Variants in CEP250 observed in about 807,000 individuals in gnomAD.
The protein encoded by CEP250 is centrosome-associated protein CEP250.
In CEP250, 242 loss-of-function variants were observed where a neutral mutation model predicts 315.7. The ratio of observed to expected loss-of-function variants is 0.77; its 90% CI spans 0.69 to 0.85. The LOEUF (loss-of-function observed/expected upper bound fraction) is 0.85. Ranked by LOEUF, CEP250 falls within the 40% of genes least tolerant of loss-of-function variation. The probability of loss-of-function intolerance (pLI) is 0.00; values close to 1 mark genes in which losing one functional copy is unlikely to be tolerated. For synonymous variants in CEP250, 1,088 were observed against 1,175.0 expected, an observed-to-expected ratio of 0.93 and a Z score of 1.51; for missense variants, 2,515 against 2,886.4, an observed-to-expected ratio of 0.87 and a Z score of 2.95.
At position 35,503,301 on chromosome 20, in the gene CEP250, G is replaced by A; in HGVS notation, c.4932G>A (p.Arg1644=). The A allele has an allele frequency of 2.5e-6, 4 of 1,614,156 alleles. No homozygotes were observed. The highest frequency in any genetic ancestry group is 3.4e-6 in the Non-Finnish European group (4 of 1,180,022). ...SQREQIEELQ[R]QKEHLTQDLE... ...GAGAACAGATCGAGGAGCTGCAGAG[G>A]CAGAAAGAGCATCTGACTCAGGATC... The change falls in exon 30 of 35, where the codon AGG becomes AGA. Residue 1644 remains arginine, a synonymous_variant. Transcript: ENST00000397527. This position sits in a 1 kb window ranked among gnomAD's most constrained non-coding sequence, Gnocchi z 4.2.
At chr20:35,473,773 G>C in intron 13 of CEP250, 97 bp from the exon 14 acceptor site, 12 of 1,160,138 alleles carry the variant, frequency 1.0e-5, no homozygotes, top group Non-Finnish European at 1.5e-5. Flanking sequence ...ACAGAAGATG[G>C]GATGTTGAAA....
At chr20:35,469,267 A>T (rs1425167600) in intron 9 of CEP250, among the ~76,000 whole-genome samples, 1 of 152,178 alleles carries the variant, frequency 6.6e-6, no homozygotes, top group African/African-American at 2.4e-5. Context: ...ACTGTATTCC[A>T]GCCTGGGCAA....
intron 2 of CEP250, among the ~76,000 whole-genome samples, chr20:35,459,023 G>C (rs2062696586): frequency 8.1e-6 from 1 of 123,272 alleles, no homozygotes; most frequent in Non-Finnish European, 1.6e-5. Flanking sequence ...TGTCGCCCAG[G>C]CTGGACAGTG....
Position 35,503,909 on chromosome 20 carries a change from T to G in CEP250, c.5540T>G (p.Leu1847Arg). Residue 1847 changes from leucine (L) to arginine (R), a missense_variant, in exon 30 of 35, where the codon CTG becomes CGG. Physicochemically the swap from Leu to Arg is moderately radical, Grantham distance 102. Transcript: ENST00000397527. The surrounding 1 kb of genome is among the most constrained non-coding windows in gnomAD (Gnocchi z 4.2). ...AAGGCAGACGCCCTCCAGGGAGCTCTGGAGCAAGCCCATATGACACTGAAG... is the reference window on the plus strand; with the variant it reads ...AAGGCAGACGCCCTCCAGGGAGCTCGGGAGCAAGCCCATATGACACTGAAG... ...KEKADALQGA[L>R]EQAHMTLKER... is the part of the protein sequence containing the mutation. The G allele has an allele frequency of 1.2e-6, 2 of 1,613,828 alleles. No homozygotes were observed. Among genetic ancestry groups the G allele is most frequent in the Non-Finnish European group, 1.7e-6 (2 of 1,179,840 alleles).
At position 35,466,129 on chromosome 20, in the gene CEP250, A is replaced by G; in HGVS notation, c.417A>G (p.Glu139=). Residue 139 remains glutamate (E), a synonymous_variant, in exon 7 of 35, where the codon GAA becomes GAG. Transcript: ENST00000397527. ...VVNKALREDV[E]KLTVDWSRAR... ...ATAAAGCCCTTAGGGAAGATGTGGA[A>G]AAACTGACAGTGGACTGGAGCCGGG... The G allele has an allele frequency of 6.2e-7, 1 of 1,614,112 alleles. No homozygotes were observed. Among genetic ancestry groups the G allele is most frequent in the South Asian group, 1.1e-5 (1 of 91,052 alleles).
intron 31 of CEP250, 21 bp downstream of exon 31, chr20:35,507,872 G>A (rs1827001727): frequency 6.2e-7 from 1 of 1,607,408 alleles, no homozygotes; most frequent in African/African-American, 1.3e-5. Flanking sequence ...GGCTCTGGGG[G>A]AACAGGTGAC....
intron 22 of CEP250, 120 bp downstream of exon 22, chr20:35,491,466 A>G (rs1352615416): frequency 3.6e-6 from 4 of 1,105,418 alleles, no homozygotes; most frequent in East Asian, 2.6e-5. Flanking sequence ...ACATATGACA[A>G]GTACATAAAG....
At position 35,467,373 on chromosome 20, in the gene CEP250, G is replaced by T. The variant is rs1178744557; in HGVS notation, c.669G>T (p.Leu223Phe). 3 of 1,614,210 alleles carry T rather than the reference G, an allele frequency of 1.9e-6. No homozygotes were observed. The highest frequency in any genetic ancestry group is 2.5e-6 in the Non-Finnish European group (3 of 1,180,026). ...CTCTGTTGACCTGTTGTCTGCGCTT[G>T]ACTGTGGGAGCACAGTCTCGGGAAC... ...SGSLLTCCLRLTVGAQSREPN... is the reference protein window; with the variant it reads ...SGSLLTCCLRFTVGAQSREPN... The change falls in exon 9 of 35, where the codon TTG becomes TTT. Residue 223 changes from leucine to phenylalanine, a missense_variant. Transcript: ENST00000397527.
intron 20 of CEP250, among the ~76,000 whole-genome samples, chr20:35,488,928 G>A (rs1191269418): frequency 6.6e-6 from 1 of 152,126 alleles, no homozygotes. Context: ...GCTCACACCT[G>A]TAATCCTAGC....
intron 15 of CEP250, 76 bp from the exon 16 acceptor site, chr20:35,476,373 G>A: frequency 2.2e-6 from 3 of 1,378,394 alleles, no homozygotes; most frequent in Non-Finnish European, 3.1e-6. Flanking sequence ...AAAAGCAGCA[G>A]TGTTGGGAAT....
chr20:35,487,246 T>G (rs2063539047), intron 20 of CEP250, among the ~76,000 whole-genome samples: 1 of 152,048 alleles, frequency 6.6e-6, no homozygotes, highest in East Asian at 1.9e-4. Flanking sequence ...GGTGGGCGGA[T>G]TGCCCAAGGT....
chr20:35,477,752 C>T (rs148300632), intron 16 of CEP250, 119 bp from the exon 17 acceptor site: 3 of 808,904 alleles, frequency 3.7e-6, no homozygotes, highest in Non-Finnish European at 4.0e-6. Flanking sequence ...TATAAACACT[C>T]CTTTGTTCAT....
At position 35,493,561 on chromosome 20, in the gene CEP250, C is replaced by G; in HGVS notation, c.3022C>G (p.Leu1008Val). Residue 1008 changes from leucine to valine, a missense_variant, in exon 23 of 35, where the codon CTG becomes GTG. Physicochemically the swap from Leu to Val is conservative, Grantham distance 32. Coordinates refer to ENST00000397527, the MANE Select transcript of CEP250 (RefSeq NM_007186.6). ...SSSLLQDKMD[L>V]QKQVEDLKSQ... ...CTCCCTGCTGCAGGATAAGATGGAC[C>G]TGCAGAAGCAGGTCCCCTCCTCCTC... The G allele has an allele frequency of 6.4e-7, 1 of 1,556,922 alleles. No homozygotes were observed. The highest frequency in any genetic ancestry group is 8.7e-7 in the Non-Finnish European group (1 of 1,154,010).
rs1321346243 is a variant in CEP250, at chr20:35,517,502, G to T, written c.*5876G>T. ...TAGAATCTATAGGAAAATGTAAGAG[G>T]GTTAAAAATAAATTTCCCATGCATC... On this transcript the variant is annotated 3_prime_UTR_variant, in exon 35 of 35. Coordinates refer to ENST00000397527, the MANE Select transcript of CEP250 (RefSeq NM_007186.6). The T allele has an allele frequency of 6.6e-6, 1 of 152,090 alleles. No individual in the cohort carries two copies. The highest frequency in any genetic ancestry group is 1.9e-4 in the East Asian group (1 of 5,202). The allele number at this position is 152,090 out of a possible 1,614,324, so 9.4% of individuals were successfully genotyped here.
rs2147161684 is a variant in CEP250, at chr20:35,503,573, A to G, written c.5204A>G (p.Glu1735Gly). ...EHMKLILRDK[E>G]KEVECQQEHI... Reference sequence around the variant, plus strand: ...ATGAAGCTGATCCTGCGTGATAAGGAGAAGGAGGTGGAATGTCAGCAGGAG... The same window carrying G: ...ATGAAGCTGATCCTGCGTGATAAGGGGAAGGAGGTGGAATGTCAGCAGGAG... Residue 1735 changes from glutamate (E) to glycine (G), a missense_variant, in exon 30 of 35, where the codon GAG (glutamate) becomes GGG (glycine). Physicochemically the swap from Glu to Gly is moderately conservative, Grantham distance 98. Transcript: ENST00000397527. The surrounding 1 kb of genome is among the most constrained non-coding windows in gnomAD (Gnocchi z 4.2). 1.2e-6 allele frequency: 2 copies of G among 1,614,088 alleles called. No individual in the cohort carries two copies. Among genetic ancestry groups the G allele is most frequent in the East Asian group, 4.5e-5 (2 of 44,876 alleles).
chr20:35,487,387 T>C (rs570717416), intron 20 of CEP250, among the ~76,000 whole-genome samples: 88 of 152,182 alleles, frequency 5.8e-4, no homozygotes, highest in African/African-American at 2.1e-3. Flanking sequence ...GGGGAATTGC[T>C]TGAACCAGGG....
In CEP250 at chr20:35,507,810, G is replaced by A. The variant is rs2064232235; in HGVS notation, c.6709G>A (p.Glu2237Lys). ...CAGCCCAGGTGCAACCAGCACAGCA[G>A]AACTGGGGTCCAGAGGGGAGCAGGG... The part of the protein sequence containing the change: ...LHSPGATSTA[E>K]LGSRGEQGVQ... Residue 2237 changes from glutamate (E) to lysine (K), a missense_variant, in exon 31 of 35, where the codon GAA becomes AAA. By Grantham distance (56) the Glu-to-Lys change is moderately conservative (BLOSUM62 1). Coordinates refer to ENST00000397527, the MANE Select transcript of CEP250 (RefSeq NM_007186.6). 6.3e-7 allele frequency: 1 copy of A among 1,580,198 alleles called. No individual in the cohort carries two copies.
In CEP250 at chr20:35,455,720, C is replaced by G. The variant is rs1207070592; in HGVS notation, c.-329C>G. The G allele has an allele frequency of 6.6e-6, 1 of 152,250 alleles. No homozygotes were observed. Among genetic ancestry groups the G allele is most frequent in the African/African-American group, 2.4e-5 (1 of 41,456 alleles). The allele number at this position is 152,250 out of a possible 1,614,324, so 9.4% of individuals were successfully genotyped here. On this transcript the variant is annotated 5_prime_UTR_variant, in exon 1 of 35. Transcript: ENST00000397527. ...TCTCGGTTTTTGCACTCGCTGTGCA[C>G]CGAGTTACTTTCCCGGCCCCTCGTT...
At chr20:35,474,912 C>T (rs2146812837) in intron 14 of CEP250, 1 of 467,608 alleles carries the variant, frequency 2.1e-6, no homozygotes, top group Non-Finnish European at 4.4e-6. Context: ...TTTCCCTCCT[C>T]TCCTGTGCCC....
Sources: gnomAD v4.1 joint callset for allele counts (sites outside exome capture counted in the v4.1 genomes callset) on GRCh38, gnomAD v4.1.1 for gene constraint, Gnocchi (gnomAD v3.1) non-coding constraint, MANE v1.5 for transcripts, NCBI Gene and HGNC (gene_info 2026-07-23, HGNC 2026-07-21) for gene names.